PLXNA2: variants seen among roughly 807,000 people sequenced by gnomAD.
PLXNA2 encodes the protein plexin-A2.
In PLXNA2, 91 loss-of-function variants were observed where a neutral mutation model predicts 193.5. The ratio of observed to expected loss-of-function variants is 0.47; its 90% CI spans 0.40 to 0.56. The LOEUF is 0.56. Among genes scored for constraint, PLXNA2 ranks in the 20% least tolerant of loss-of-function variants. The probability of loss-of-function intolerance (pLI) is 0.00; values close to 1 mark genes in which losing one functional copy is unlikely to be tolerated. For synonymous variants in PLXNA2, 997 were observed against 1,027.3 expected, an observed-to-expected ratio of 0.97 and a Z score of 0.56; for missense variants, 1,995 against 2,503.2, an observed-to-expected ratio of 0.80 and a Z score of 4.33.
Position 208,038,792 on chromosome 1 carries a change from C to T in PLXNA2, c.4660+33G>A. The T allele has an allele frequency of 6.2e-7, 1 of 1,605,488 alleles. No individual in the cohort carries two copies. Among genetic ancestry groups the T allele is most frequent in the East Asian group, 2.2e-5 (1 of 44,834 alleles). On this transcript the variant is annotated intron_variant, in intron 25 of 31. Coordinates refer to ENST00000367033, the MANE Select transcript of PLXNA2 (RefSeq NM_025179.4). The surrounding 1 kb of genome is among the most constrained non-coding windows in gnomAD (Gnocchi z 4.1). ...GCTTCCCTTCCTTCACCTCTCAACC[C>T]CTGCCCTCACACTCTGAGTCCAGGT...
chr1:208,044,816 C>CTGTA lies in PLXNA2; in HGVS notation c.3640-75_3640-74insTACA. 8.1e-7 allele frequency: 1 copy of CTGTA among 1,236,948 alleles called. No homozygotes were observed. Among genetic ancestry groups the CTGTA allele is most frequent in the Non-Finnish European group, 1.2e-6 (1 of 863,248 alleles). The allele number at this position is 1,236,948 out of a possible 1,614,324, so 76.6% of individuals were successfully genotyped here. A position where few individuals can be genotyped will look rare whatever the true frequency, so the allele number is the denominator to read the frequency against. ...GCCCGGGCATGCCAGCAGATCCTTACAGTGCGAGGAAGGACATGACAGACC... is the reference window on the plus strand; with the variant it reads ...GCCCGGGCATGCCAGCAGATCCTTACTGTAAGTGCGAGGAAGGACATGACAGACC... On this transcript the variant is annotated intron_variant, in intron 19 of 31. Transcript: ENST00000367033. This position sits in a 1 kb window ranked among gnomAD's most constrained non-coding sequence, Gnocchi z 4.9.
At chr1:208,072,187 G>GAA (rs1204970514) in intron 12 of PLXNA2, among the ~76,000 whole-genome samples, 2 of 152,210 alleles carry the variant, frequency 1.3e-5, no homozygotes, top group Non-Finnish European at 2.9e-5. Flanking sequence ...ATGTTAAAGA[G>GAA]AATTTATATT....
intron 4 of PLXNA2, among the ~76,000 whole-genome samples, chr1:208,133,216 C>T (rs963460490): frequency 9.2e-5 from 14 of 152,116 alleles, no homozygotes; most frequent in Non-Finnish European, 2.1e-4. Context: ...TGGTGGTATG[C>T]GTTTATGAGT....
At chr1:208,035,479 A>T (rs1258042317) in intron 26 of PLXNA2, among the ~76,000 whole-genome samples, 5 of 152,112 alleles carry the variant, frequency 3.3e-5, no homozygotes, top group Non-Finnish European at 5.9e-5. Flanking sequence ...CCCATCCTCT[A>T]TGAGGGTACC....
At position 208,054,542 on chromosome 1, in the gene PLXNA2, G is replaced by C. The variant is rs963133949; in HGVS notation, c.2739-4C>G. 6.2e-7 allele frequency: 1 copy of C among 1,608,750 alleles called. No individual in the cohort carries two copies. The highest frequency in any genetic ancestry group is 8.5e-7 in the Non-Finnish European group (1 of 1,175,350). ...ATGGCCCATCTCACAGACAATCCTGGGGAGAAAGCAAACCTTCTGGTGAGG... is the reference window on the plus strand; with the variant it reads ...ATGGCCCATCTCACAGACAATCCTGCGGAGAAAGCAAACCTTCTGGTGAGG... On this transcript the variant is annotated splice_region_variant and splice_polypyrimidine_tract_variant and intron_variant, in intron 13 of 31. Transcript: ENST00000367033.
chr1:208,162,133 C>G (rs552570950), intron 3 of PLXNA2, among the ~76,000 whole-genome samples: 6 of 152,220 alleles, frequency 3.9e-5, no homozygotes, highest in African/African-American at 1.4e-4. Flanking sequence ...AGAAGCACAG[C>G]ACCCTGATGG....
chr1:208,054,989 G>A (rs1377915397), intron 13 of PLXNA2, among the ~76,000 whole-genome samples: 1 of 152,194 alleles, frequency 6.6e-6, no homozygotes, highest in Non-Finnish European at 1.5e-5. Context: ...TGTTTGCCAA[G>A]CCGATTCAGT....
intron 9 of PLXNA2, among the ~76,000 whole-genome samples, chr1:208,086,948 ACTCT>A (rs59683728): frequency 0.05 from 6,686 of 134,580 alleles, 240 homozygotes; most frequent in East Asian, 0.18. Flanking sequence ...TCTCTCTCGC[ACTCT>A]CTCTCTCTCT....
intron 9 of PLXNA2, 126 bp from the exon 10 acceptor site, chr1:208,084,706 C>A: frequency 2.5e-6 from 2 of 806,652 alleles, no homozygotes; most frequent in Non-Finnish European, 3.9e-6. Context: ...ATGTAAGGCC[C>A]GTGGAATGGG....
At chr1:208,039,032 G>T in intron 24 of PLXNA2, 48 bp from the exon 25 acceptor site, 5 of 1,566,006 alleles carry the variant, frequency 3.2e-6, no homozygotes, top group Non-Finnish European at 4.4e-6. Flanking sequence ...TGAAGGAGTA[G>T]TTTGAGGGAG....
intron 3 of PLXNA2, among the ~76,000 whole-genome samples, chr1:208,161,428 CCT>C (rs1240071203): frequency 6.6e-6 from 1 of 152,206 alleles, no homozygotes; most frequent in Non-Finnish European, 1.5e-5. Context: ...CTCCCTCCAG[CCT>C]CTCTGGAGAA....
chr1:208,041,393 C>T (rs1201966954), intron 22 of PLXNA2, among the ~76,000 whole-genome samples: 1 of 152,158 alleles, frequency 6.6e-6, no homozygotes, highest in Non-Finnish European at 1.5e-5. Context: ...AGGTCTCCAA[C>T]CCTCTCCCCT....
chr1:208,085,635 C>T (rs1373007981), intron 9 of PLXNA2, among the ~76,000 whole-genome samples: 12 of 152,232 alleles, frequency 7.9e-5, no homozygotes, highest in Admixed American at 7.9e-4. Context: ...GCCGGCACAG[C>T]CTCACACAGG....
chr1:208,240,934 C>A (rs546654766), intron 1 of PLXNA2, among the ~76,000 whole-genome samples: 77 of 152,152 alleles, frequency 5.1e-4, no homozygotes, highest in Middle Eastern at 3.4e-3. Context: ...CTCCCCCACA[C>A]CAAACCCTAT....
At chr1:208,140,089 A>T (rs533262884) in intron 4 of PLXNA2, among the ~76,000 whole-genome samples, 2 of 152,042 alleles carry the variant, frequency 1.3e-5, no homozygotes, top group South Asian at 4.2e-4. Flanking sequence ...CTACTGCTAA[A>T]CCCCTCTGTT....
intron 4 of PLXNA2, among the ~76,000 whole-genome samples, chr1:208,127,548 A>C (rs72740721): frequency 6.6e-6 from 1 of 152,238 alleles, no homozygotes; most frequent in African/African-American, 2.4e-5. Flanking sequence ...CAATTGGCTC[A>C]GAGGAGCTGC....
chr1:208,044,809 A>G lies in PLXNA2; in HGVS notation c.3640-67T>C. On this transcript the variant is annotated intron_variant, in intron 19 of 31. Coordinates refer to ENST00000367033, the MANE Select transcript of PLXNA2 (RefSeq NM_025179.4). This position sits in a 1 kb window ranked among gnomAD's most constrained non-coding sequence, Gnocchi z 4.9. ...GTGTAGAGCCCGGGCATGCCAGCAG[A>G]TCCTTACAGTGCGAGGAAGGACATG... 1 of 1,281,820 alleles carries G rather than the reference A, an allele frequency of 7.8e-7. No homozygotes were observed. Among genetic ancestry groups the G allele is most frequent in the African/African-American group, 1.5e-5 (1 of 66,922 alleles). 79.4% of individuals were successfully genotyped at this position (1,281,820 alleles called of 1,614,324 possible).
rs771386893 is a variant in PLXNA2, at chr1:208,074,565, C to T, written c.2586+4695G>A. ...AAGCTGCCATAAAAGATGGGTCCCT[C>T]GGGTGGGCCTGGTTGCCATGGAGAA... On this transcript the variant is annotated intron_variant, in intron 12 of 31. Coordinates refer to ENST00000367033, the MANE Select transcript of PLXNA2 (RefSeq NM_025179.4). Among the ~76,000 whole-genome samples the T allele has an allele frequency of 3.3e-5, 5 of 152,152 alleles. No individual in the cohort carries two copies. The East Asian group carries it at 7.7e-4, about 23-fold the overall frequency.
intron 21 of PLXNA2, 93 bp from the exon 22 acceptor site, chr1:208,042,459 C>T: frequency 7.2e-7 from 1 of 1,392,738 alleles, no homozygotes; most frequent in Non-Finnish European, 1.0e-6. Context: ...GGCGATGACA[C>T]TAGCTGTAGG....
Sources: gnomAD v4.1 joint callset for allele counts (sites outside exome capture counted in the v4.1 genomes callset) on GRCh38, gnomAD v4.1.1 for gene constraint, Gnocchi (gnomAD v3.1) non-coding constraint, MANE v1.5 for transcripts, NCBI Gene and HGNC (gene_info 2026-07-23, HGNC 2026-07-21) for gene names.